Variants in RALY observed in about 807,000 individuals in gnomAD.
RALY encodes RNA-binding protein Raly.
In RALY, 15 loss-of-function variants were observed where a neutral mutation model predicts 30.7. The ratio of observed to expected loss-of-function variants is 0.49; its 90% CI spans 0.33 to 0.75. The LOEUF (loss-of-function observed/expected upper bound fraction) is 0.75. Among genes scored for constraint, RALY ranks in the 30% least tolerant of loss-of-function variants. The pLI is 0.02. For missense variants in RALY, 339 were observed against 414.3 expected, an observed-to-expected ratio of 0.82 and a Z score of 1.58; for synonymous variants, 177 against 170.8, an observed-to-expected ratio of 1.04 and a Z score of -0.28.
intron 2 of RALY, among the ~76,000 whole-genome samples, chr20:34,044,065 C>G (rs1225908542): frequency 6.6e-6 from 1 of 151,870 alleles, no homozygotes; most frequent in Non-Finnish European, 1.5e-5. Context: ...CCAGTGAGGA[C>G]AGAGGCACAG....
chr20:34,066,518 C>G (rs754229970), intron 2 of RALY, among the ~76,000 whole-genome samples: 3 of 152,080 alleles, frequency 2.0e-5, no homozygotes, highest in Non-Finnish European at 4.4e-5. Flanking sequence ...TCACTGTGTT[C>G]GCACATGATA....
chr20:34,048,302 C>T (rs949506162), intron 2 of RALY, among the ~76,000 whole-genome samples: 6 of 152,158 alleles, frequency 3.9e-5, no homozygotes, highest in African/African-American at 1.2e-4. Context: ...GTGTGTCTCT[C>T]GTGCTCCTGG....
At chr20:34,047,723 A>G (rs890920251) in intron 2 of RALY, among the ~76,000 whole-genome samples, 3 of 152,154 alleles carry the variant, frequency 2.0e-5, no homozygotes, top group African/African-American at 7.2e-5. Context: ...GATGTGGTTG[A>G]TATCTGCTTT....
intron 2 of RALY, among the ~76,000 whole-genome samples, chr20:34,059,200 C>G (rs1447982403): frequency 2.6e-5 from 4 of 152,078 alleles, no homozygotes; most frequent in African/African-American, 9.7e-5. Context: ...TAGGGTCAAG[C>G]CTTTGGGGCT....
At chr20:34,079,466 C>G (rs1045936586) in intron 9 of RALY, among the ~76,000 whole-genome samples, 1 of 152,178 alleles carries the variant, frequency 6.6e-6, no homozygotes, top group Non-Finnish European at 1.5e-5. Context: ...GTCTCAAACA[C>G]TAGTGTTTCC....
chr20:33,994,330 T>A (rs2030478645), intron 1 of RALY, 199 bp downstream of exon 1: 1 of 152,722 alleles, frequency 6.5e-6, no homozygotes, highest in Admixed American at 6.5e-5. Flanking sequence ...CCGCCCCGGG[T>A]CCCCGGCCCC....
chr20:34,029,740 G>C (rs1311792833), intron 1 of RALY: 1 of 152,160 alleles, frequency 6.6e-6, no homozygotes, highest in East Asian at 1.9e-4. Flanking sequence ...TTGACTCCCT[G>C]GTGCCTCTGC....
intron 1 of RALY, among the ~76,000 whole-genome samples, chr20:34,015,860 C>T (rs914370503): frequency 2.6e-5 from 4 of 152,260 alleles, no homozygotes; most frequent in African/African-American, 4.8e-5. Flanking sequence ...CACACACACA[C>T]ACACAATTGA....
intron 2 of RALY, among the ~76,000 whole-genome samples, chr20:34,052,719 G>A (rs1445790394): frequency 6.6e-6 from 1 of 152,148 alleles, no homozygotes; most frequent in Non-Finnish European, 1.5e-5. Flanking sequence ...GTGCAAAGTC[G>A]AACTCTGTTC....
intron 2 of RALY, among the ~76,000 whole-genome samples, chr20:34,047,479 G>A (rs943710179): frequency 6.6e-6 from 1 of 152,144 alleles, no homozygotes; most frequent in Admixed American, 6.5e-5. Flanking sequence ...GCATGTGCCC[G>A]GGCAAAAGAC....
chr20:34,061,862 G>A (rs1291851898), intron 2 of RALY, among the ~76,000 whole-genome samples: 1 of 152,170 alleles, frequency 6.6e-6, no homozygotes, highest in East Asian at 1.9e-4. Flanking sequence ...TCTGTGTAAG[G>A]AGCCTGTTCC....
intron 2 of RALY, among the ~76,000 whole-genome samples, chr20:34,037,466 C>T (rs2032539533): frequency 6.6e-6 from 1 of 152,166 alleles, no homozygotes; most frequent in African/African-American, 2.4e-5. Flanking sequence ...CTGAACACCT[C>T]TTTTGCCTGT....
chr20:34,074,616 G>A (rs2033823515), intron 5 of RALY, among the ~76,000 whole-genome samples: 2 of 152,254 alleles, frequency 1.3e-5, no homozygotes, highest in South Asian at 4.1e-4. Flanking sequence ...TCTTAGCCTG[G>A]GGGTCAGAAG....
chr20:34,005,839 AATC>A (rs2031134473), intron 1 of RALY, among the ~76,000 whole-genome samples: 2 of 152,170 alleles, frequency 1.3e-5, no homozygotes, highest in Non-Finnish European at 2.9e-5. Context: ...ATACAGTTGG[AATC>A]ATACAGTATG....
chr20:34,025,872 C>T (rs963135703), intron 1 of RALY, among the ~76,000 whole-genome samples: 2 of 148,114 alleles, frequency 1.4e-5, no homozygotes, highest in Non-Finnish European at 3.0e-5. Context: ...GCTCCTTTCC[C>T]TAGCTTCCAG....
Position 34,068,120 on chromosome 20 carries a change from C to T in RALY, c.-9-3946C>T, listed in dbSNP as rs78778731. Among the ~76,000 whole-genome samples the T allele has an allele frequency of 7.1e-4, 108 of 152,244 alleles. No individual in the cohort carries two copies. In the East Asian group the frequency reaches 0.01, roughly 14 times the overall value. On this transcript the variant is annotated intron_variant, in intron 2 of 9. Transcript: ENST00000246194. ...GGAATAAATTTGCTTCTCTCCTTTC[C>T]CCCAGCCACCAAGAACAATCCTTCT...
intron 1 of RALY, among the ~76,000 whole-genome samples, chr20:34,024,346 C>G (rs2031939825): frequency 6.6e-6 from 1 of 152,184 alleles, no homozygotes; most frequent in South Asian, 2.1e-4. Flanking sequence ...GAAAAGAAAA[C>G]AGTAATTACT....
intron 2 of RALY, among the ~76,000 whole-genome samples, chr20:34,071,657 G>T (rs956004398): frequency 2.0e-5 from 3 of 152,088 alleles, no homozygotes; most frequent in Non-Finnish European, 4.4e-5. Flanking sequence ...CTACATTGAA[G>T]ATCTTCAAAT....
rs2034061174 is a variant in RALY at position 34,083,493 on chromosome 20, C to T, written c.*3588C>T. The stretch of plus-strand genomic sequence containing the variant: ...CCAAAGTAAGTCACATGGCTAAGCC[C>T]AAATTCTTCTTAACAGGAGGAGCTT... On this transcript the variant is annotated 3_prime_UTR_variant, in exon 10 of 10. Transcript: ENST00000246194. 1 of 152,184 alleles carries T rather than the reference C, an allele frequency of 6.6e-6. No homozygotes were observed. The highest frequency in any genetic ancestry group is 1.5e-5 in the Non-Finnish European group (1 of 68,040). 9.4% of individuals were successfully genotyped at this position (152,184 alleles called of 1,614,324 possible). A position where few individuals can be genotyped will look rare whatever the true frequency, so the allele number is the denominator to read the frequency against.
Sources: gnomAD v4.1 joint callset for allele counts (sites outside exome capture counted in the v4.1 genomes callset) on GRCh38, gnomAD v4.1.1 for gene constraint, MANE v1.5 for transcripts, NCBI Gene and HGNC (gene_info 2026-07-23, HGNC 2026-07-21) for gene names.